The following APC variants were observed in gnomAD, a reference collection of about 807,000 sequenced individuals.
APC encodes the protein adenomatous polyposis coli protein.
Under a neutral mutation model 247.0 loss-of-function variants are expected in APC, and 72 were observed. The ratio of observed to expected loss-of-function variants is 0.29; its 90% CI spans 0.24 to 0.35. The LOEUF (loss-of-function observed/expected upper bound fraction) is 0.35. APC is among the 10% of genes least tolerant of loss of function. APC has a pLI of 1.00. For synonymous variants in APC, 1,254 were observed against 1,162.5 expected (o/e 1.08, Z -1.60); for missense variants, 3,400 against 3,360.7 (o/e 1.01, Z -0.29).
chr5:112,790,472 C>T (rs549713505), intron 6 of APC, among the ~76,000 whole-genome samples: 3 of 151,686 alleles, frequency 2.0e-5, no homozygotes, highest in Non-Finnish European at 4.4e-5. Context: ...ATTACAGGCA[C>T]GCGTCACCCA....
intron 1 of APC, among the ~76,000 whole-genome samples, chr5:112,745,299 T>C (rs1201780701): frequency 6.6e-6 from 1 of 151,884 alleles, no homozygotes; most frequent in Non-Finnish European, 1.5e-5. Context: ...AAAAGATGAC[T>C]CAAAAAGCCT....
intron 9 of APC, among the ~76,000 whole-genome samples, chr5:112,818,030 T>C (rs1426723134): frequency 1.3e-5 from 2 of 152,224 alleles, no homozygotes; most frequent in East Asian, 1.9e-4. Flanking sequence ...CATTCTAGAA[T>C]GTATAGTAAC....
chr5:112,732,214 A>G (rs1320287403), intron 1 of APC, among the ~76,000 whole-genome samples: 1 of 152,240 alleles, frequency 6.6e-6, no homozygotes, highest in African/African-American at 2.4e-5. Flanking sequence ...ACTCCAAATT[A>G]AAAGGCTATT....
chr5:112,793,165 AGCTAGGTGACT>A (rs1163533053), intron 7 of APC, among the ~76,000 whole-genome samples: 1 of 152,194 alleles, frequency 6.6e-6, no homozygotes, highest in East Asian at 1.9e-4. Flanking sequence ...AACCCTGTAC[AGCTAGGTGACT>A]GCTCCTTTCC....
At chr5:112,738,522 G>C in intron 1 of APC, 1 of 983,920 alleles carries the variant, frequency 1.0e-6, no homozygotes, top group Middle Eastern at 5.2e-4. Flanking sequence ...TAGTGTGCCT[G>C]CTTTTGTAAA....
intron 10 of APC, among the ~76,000 whole-genome samples, chr5:112,821,411 G>A (rs539682207): frequency 1.3e-5 from 2 of 152,044 alleles, no homozygotes; most frequent in African/African-American, 4.8e-5. Context: ...GGAAGCTGAG[G>A]CAGGAAGGTC....
chr5:112,840,560 T>C lies in APC; in HGVS notation c.4966T>C (p.Ser1656Pro), dbSNP rs1580654670. 1 of 1,614,068 alleles carries C rather than the reference T, an allele frequency of 6.2e-7. No homozygotes were observed. The highest frequency in any genetic ancestry group is 2.2e-5 in the East Asian group (1 of 44,876). The change falls in exon 16 of 16, where the codon TCT (serine) becomes CCT (proline). Residue 1656 changes from serine to proline, a missense_variant. Coordinates refer to ENST00000257430, the MANE Select transcript of APC (RefSeq NM_000038.6). The surrounding 1 kb of genome is among the most constrained non-coding windows in gnomAD (Gnocchi z 4.1). ...ACCTATAAACTTTTCCACAGCTACA[T>C]CTCTAAGTGATCTAACAATCGAATC... Reference protein sequence around the residue: ...GTPINFSTATSLSDLTIESPP... With the variant: ...GTPINFSTATPLSDLTIESPP...
intron 4 of APC, among the ~76,000 whole-genome samples, chr5:112,774,825 A>C (rs1303031185): frequency 6.6e-6 from 1 of 152,242 alleles, no homozygotes; most frequent in Non-Finnish European, 1.5e-5. Context: ...AACATACACT[A>C]TAATAATATG....
chr5:112,784,312 C>T (rs1468580635), intron 6 of APC, among the ~76,000 whole-genome samples: 1 of 152,208 alleles, frequency 6.6e-6, no homozygotes, highest in African/African-American at 2.4e-5. Context: ...AAGTGATCTG[C>T]CTGCCTTGAC....
At chr5:112,724,457 G>A (rs373103084) in intron 1 of APC, among the ~76,000 whole-genome samples, 6 of 152,244 alleles carry the variant, frequency 3.9e-5, no homozygotes, top group African/African-American at 1.4e-4. Flanking sequence ...TGGACCAGGC[G>A]CAATACTAGA....
chr5:112,736,785 G>A (rs944592824), upstream of APC, among the ~76,000 whole-genome samples: 11 of 152,086 alleles, frequency 7.2e-5, no homozygotes, highest in South Asian at 6.2e-4. Context: ...ATGATGGCAC[G>A]TGCCTGTAGT....
At chr5:112,789,728 T>G (rs1037244564) in intron 6 of APC, among the ~76,000 whole-genome samples, 7 of 152,224 alleles carry the variant, frequency 4.6e-5, no homozygotes, top group Non-Finnish European at 7.3e-5. Context: ...AGGAAGTACT[T>G]GCCACCTGGT....
At position 112,838,910 on chromosome 5, in the gene APC, G is replaced by A. The variant is rs1554084921; in HGVS notation, c.3316G>A (p.Gly1106Arg). 3 of 1,614,092 alleles carry A rather than the reference G, an allele frequency of 1.9e-6. No individual in the cohort carries two copies. The highest frequency in any genetic ancestry group is 4.5e-5 in the East Asian group (2 of 44,866). Residue 1106 changes from glycine (G) to arginine (R), a missense_variant, in exon 16 of 16, where the codon GGA becomes AGA. Around this residue, in one of 9 missense-constraint regions of APC, gnomAD observed 715 missense variants for 656.6 expected, o/e 1.09. Coordinates refer to ENST00000257430, the MANE Select transcript of APC (RefSeq NM_000038.6). Reference protein sequence around the residue: ...QECVSPYRSRGANGSETNRVG... With the variant: ...QECVSPYRSRRANGSETNRVG... ...ATGTGTTTCTCCATACAGGTCACGG[G>A]GAGCCAATGGTTCAGAAACAAATCG...
chr5:112,820,778 C>G (rs941385672), intron 10 of APC, among the ~76,000 whole-genome samples: 3 of 152,140 alleles, frequency 2.0e-5, no homozygotes, highest in Admixed American at 6.5e-5. Context: ...CTTAGTCACC[C>G]TTTTAAAAAA....
intron 4 of APC, among the ~76,000 whole-genome samples, chr5:112,769,729 T>A (rs1472513786): frequency 6.6e-6 from 1 of 152,172 alleles, no homozygotes; most frequent in East Asian, 1.9e-4. Flanking sequence ...GGCATTGTTG[T>A]GAAAATTGAA....
intron 1 of APC, among the ~76,000 whole-genome samples, chr5:112,709,941 T>G (rs907870786): frequency 6.6e-6 from 1 of 152,138 alleles, no homozygotes; most frequent in Non-Finnish European, 1.5e-5. Flanking sequence ...TCCACTCTTA[T>G]GGAATTTGGT....
In APC at chr5:112,817,170, C is replaced by G. The variant is rs138487102; in HGVS notation, c.933+1577C>G. On this transcript the variant is annotated intron_variant, in intron 9 of 15. Transcript: ENST00000257430. Reference sequence around the variant, plus strand: ...GAGGCATGAGTGACCACACCCGGCCCATCAGAGATTTTAATATTCACTAAG... The same window carrying G: ...GAGGCATGAGTGACCACACCCGGCCGATCAGAGATTTTAATATTCACTAAG... Among the ~76,000 whole-genome samples, 663 of 152,156 alleles carry G rather than the reference C, an allele frequency of 4.4e-3. 1 individual carries two copies. The highest frequency in any genetic ancestry group is 0.015 in the African/African-American group (632 of 41,546).
At chr5:112,767,501 G>A (rs557885015) in intron 4 of APC, 111 bp downstream of exon 4, 58 of 842,104 alleles carry the variant, frequency 6.9e-5, no homozygotes, top group Non-Finnish European at 8.9e-5. Flanking sequence ...AACACTTAGA[G>A]CATTTTGCAT....
intron 1 of APC, among the ~76,000 whole-genome samples, chr5:112,709,329 T>C (rs1750714834): frequency 6.6e-6 from 1 of 152,224 alleles, no homozygotes; most frequent in Non-Finnish European, 1.5e-5. Flanking sequence ...TTTTAATGCA[T>C]TTTTAAAATT....
Sources: gnomAD v4.1 joint callset for allele counts (sites outside exome capture counted in the v4.1 genomes callset) on GRCh38, gnomAD v4.1.1 for gene constraint, gnomAD v4.1.1 regional missense constraint, Gnocchi (gnomAD v3.1) non-coding constraint, MANE v1.5 for transcripts, NCBI Gene and HGNC (gene_info 2026-07-23, HGNC 2026-07-21) for gene names.